Variants in EDAR observed in about 807,000 individuals in gnomAD.
The protein encoded by EDAR is tumor necrosis factor receptor superfamily member EDAR.
In EDAR, 38 loss-of-function variants were observed where a neutral mutation model predicts 51.3. The observed-to-expected ratio is 0.74, with a 90% CI of 0.57 to 0.97. The LOEUF is 0.97. Ranked by LOEUF, EDAR falls within the 50% of genes least tolerant of loss-of-function variation. The pLI is 0.00. For missense variants in EDAR, 528 were observed against 595.0 expected, an observed-to-expected ratio of 0.89 and a Z score of 1.17; for synonymous variants, 227 against 242.1, an observed-to-expected ratio of 0.94 and a Z score of 0.58.
intron 1 of EDAR, among the ~76,000 whole-genome samples, chr2:108,935,799 C>G (rs774230755): frequency 6.6e-6 from 1 of 152,200 alleles, no homozygotes; most frequent in Non-Finnish European, 1.5e-5. Context: ...GGTCCCTGCT[C>G]TATTGGGCCT....
At chr2:108,970,406 G>C (rs113050505) in intron 1 of EDAR, among the ~76,000 whole-genome samples, 3 of 152,138 alleles carry the variant, frequency 2.0e-5, no homozygotes, top group African/African-American at 7.2e-5. Flanking sequence ...GTTCACCTAG[G>C]AGTCTGTTTC....
intron 1 of EDAR, among the ~76,000 whole-genome samples, chr2:108,984,179 C>T (rs1698461480): frequency 2.0e-5 from 3 of 152,276 alleles, no homozygotes; most frequent in East Asian, 3.9e-4. Context: ...ATGGATCATT[C>T]CTCTCCTGCC....
At chr2:108,980,117 G>A (rs1448227066) in intron 1 of EDAR, among the ~76,000 whole-genome samples, 2 of 149,044 alleles carry the variant, frequency 1.3e-5, no homozygotes, top group African/African-American at 2.5e-5. Flanking sequence ...GGGTGGGGTC[G>A]GGTGGGGGGC....
chr2:108,907,902 G>T lies in EDAR; in HGVS notation c.921C>A (p.His307Gln). 1 of 1,613,694 alleles carries T rather than the reference G, an allele frequency of 6.2e-7. No homozygotes were observed. The highest frequency in any genetic ancestry group is 1.6e-4 in the Middle Eastern group (1 of 6,062). The change falls in exon 10 of 12, where the codon CAC becomes CAA. Residue 307 changes from histidine (H) to glutamine (Q), a missense_variant. Coordinates refer to ENST00000258443, the MANE Select transcript of EDAR (RefSeq NM_022336.4). The part of the protein sequence containing the change: ...SPELCLLSLV[H>Q]LAREKSATSN... ...TGGTGGCAGACTTCTCCCTGGCCAG[G>T]TGAACCAGCGACAGCAGGCACAGCT...
chr2:108,919,246 T>C (rs1574378283), intron 5 of EDAR, among the ~76,000 whole-genome samples: 1 of 152,272 alleles, frequency 6.6e-6, no homozygotes, highest in East Asian at 1.9e-4. Context: ...GTAGCAGAGA[T>C]TTCTCCAAAA....
intron 1 of EDAR, among the ~76,000 whole-genome samples, chr2:108,962,794 C>T (rs888426815): frequency 6.6e-6 from 1 of 152,034 alleles, no homozygotes; most frequent in Non-Finnish European, 1.5e-5. Flanking sequence ...CAAAACCAAC[C>T]GCAGTACCAT....
At chr2:108,970,048 G>T (rs752816866) in intron 1 of EDAR, among the ~76,000 whole-genome samples, 3 of 152,200 alleles carry the variant, frequency 2.0e-5, no homozygotes, top group Non-Finnish European at 2.9e-5. Context: ...TCTGGATGAC[G>T]TGATGAGTCT....
intron 1 of EDAR, among the ~76,000 whole-genome samples, chr2:108,965,760 T>G (rs1198043071): frequency 6.6e-6 from 1 of 151,964 alleles, no homozygotes; most frequent in Non-Finnish European, 1.5e-5. Context: ...GATGTGGTGG[T>G]GGGGGGCTGG....
intron 5 of EDAR, among the ~76,000 whole-genome samples, chr2:108,913,408 A>T (rs1696967536): frequency 6.6e-6 from 1 of 152,226 alleles, no homozygotes; most frequent in African/African-American, 2.4e-5. Context: ...TGTGTACATG[A>T]AAGTACTATT....
chr2:108,921,965 C>T (rs952919512), intron 5 of EDAR, among the ~76,000 whole-genome samples: 6 of 152,228 alleles, frequency 3.9e-5, no homozygotes, highest in African/African-American at 1.4e-4. Context: ...CAGGCAAGGG[C>T]TGGGGGTGGG....
Position 108,896,672 on chromosome 2 carries a change from T to TA in EDAR, c.*234dup, listed in dbSNP as rs1220595974. Reference sequence around the variant, plus strand: ...CTGGCTGTATGAGTGAGTAGATATTTACTCTGCCTGGTGAGGTACAGGCGA... The same window carrying TA: ...CTGGCTGTATGAGTGAGTAGATATTTAACTCTGCCTGGTGAGGTACAGGCGA... On this transcript the variant is annotated 3_prime_UTR_variant, in exon 12 of 12. Coordinates refer to ENST00000258443, the MANE Select transcript of EDAR (RefSeq NM_022336.4). 75 of 554,836 alleles carry TA rather than the reference T, an allele frequency of 1.4e-4. No individual in the cohort carries two copies. The Middle Eastern group carries it at 3.3e-3, about 25-fold the overall frequency. 34.4% of individuals were successfully genotyped at this position (554,836 alleles called of 1,614,324 possible).
chr2:108,948,131 C>G (rs545949968), intron 1 of EDAR, among the ~76,000 whole-genome samples: 126 of 152,330 alleles, frequency 8.3e-4, no homozygotes, highest in African/African-American at 2.9e-3. Flanking sequence ...TTCCACGGAT[C>G]TCTAGAGCAG....
At chr2:108,911,617 C>T (rs545154275) in intron 6 of EDAR, among the ~76,000 whole-genome samples, 1 of 152,320 alleles carries the variant, frequency 6.6e-6, no homozygotes, top group African/African-American at 2.4e-5. Flanking sequence ...CAGGCAGTCC[C>T]TCAGTCACCC....
At chr2:108,967,784 A>G (rs367954116) in intron 1 of EDAR, among the ~76,000 whole-genome samples, 1 of 152,168 alleles carries the variant, frequency 6.6e-6, no homozygotes, top group Non-Finnish European at 1.5e-5. Context: ...TGAGAGCTTC[A>G]TATGTGGATA....
At chr2:108,925,355 G>A (rs1327358086) in intron 4 of EDAR, among the ~76,000 whole-genome samples, 2 of 152,210 alleles carry the variant, frequency 1.3e-5, no homozygotes, top group African/African-American at 2.4e-5. Flanking sequence ...CCCAGGTGCC[G>A]GGCTTGGTCT....
intron 4 of EDAR, among the ~76,000 whole-genome samples, chr2:108,925,372 T>C (rs531867164): frequency 1.6e-4 from 24 of 152,336 alleles, no homozygotes; most frequent in African/African-American, 5.5e-4. Flanking sequence ...GTCTCTGTCA[T>C]GGGTAAAGCT....
intron 1 of EDAR, among the ~76,000 whole-genome samples, chr2:108,962,105 A>G (rs922935575): frequency 1.3e-5 from 2 of 152,180 alleles, no homozygotes; most frequent in East Asian, 1.9e-4. Flanking sequence ...TGTCCAAGTG[A>G]GACTGTGAAC....
intron 4 of EDAR, among the ~76,000 whole-genome samples, chr2:108,924,571 A>G (rs955132955): frequency 1.7e-4 from 26 of 152,142 alleles, no homozygotes; most frequent in Admixed American, 5.2e-4. Flanking sequence ...GCCAGGCCCC[A>G]TGGAGGCCCC....
At chr2:108,964,628 CAA>C (rs1340954174) in intron 1 of EDAR, among the ~76,000 whole-genome samples, 3 of 152,196 alleles carry the variant, frequency 2.0e-5, no homozygotes, top group African/African-American at 7.2e-5. Context: ...TTTCTCTGAG[CAA>C]ATGGAGCAGC....
Sources: allele counts gnomAD v4.1 joint callset (sites outside exome capture counted in the v4.1 genomes callset), GRCh38; gene constraint gnomAD v4.1.1; transcripts MANE v1.5; gene names NCBI Gene and HGNC (gene_info 2026-07-23, HGNC 2026-07-21).